CENPP: variants seen among roughly 807,000 people sequenced by gnomAD.
CENPP encodes the protein centromere protein P.
Under a neutral mutation model 35.6 loss-of-function variants are expected in CENPP, and 24 were observed. The ratio of observed to expected loss-of-function variants is 0.67; its 90% CI spans 0.49 to 0.95. The LOEUF is 0.95. CENPP is among the 40% of genes least tolerant of loss of function. The probability of loss-of-function intolerance (pLI) is 0.00; values close to 1 mark genes in which losing one functional copy is unlikely to be tolerated. For missense variants in CENPP, 332 were observed against 345.3 expected (o/e 0.96, Z 0.31); for synonymous variants, 120 against 125.5 (o/e 0.96, Z 0.29).
At chr9:92,512,392 A>G (rs1479416238) in intron 5 of CENPP, among the ~76,000 whole-genome samples, 1 of 152,256 alleles carries the variant, frequency 6.6e-6, no homozygotes, top group Admixed American at 6.5e-5. Flanking sequence ...AAGGTGCTTA[A>G]CACAGCCAGA....
chr9:92,614,604 CACAA>C lies in CENPP; in HGVS notation c.*1457_*1460del, dbSNP rs938213919. On this transcript the variant is annotated 3_prime_UTR_variant, in exon 8 of 8. Coordinates refer to ENST00000375587, the MANE Select transcript of CENPP (RefSeq NM_001012267.3). ...ATTCTCAAGTTATCACAAAATTTCC[CACAA>C]AAATTTACAATCAGCAAAATAGTTT... The C allele has an allele frequency of 1.3e-5, 2 of 152,586 alleles. No homozygotes were observed. Among genetic ancestry groups the C allele is most frequent in the African/African-American group, 4.8e-5 (2 of 41,422 alleles). 9.5% of individuals were successfully genotyped at this position (152,586 alleles called of 1,614,324 possible). A position where few individuals can be genotyped will look rare whatever the true frequency, so the allele number is the denominator to read the frequency against.
chr9:92,389,767 A>T (rs931086351), intron 5 of CENPP: 7 of 834,382 alleles, frequency 8.4e-6, no homozygotes, highest in Non-Finnish European at 1.3e-5. Context: ...TTTAAGTGTA[A>T]TCAAAATACA....
intron 5 of CENPP, among the ~76,000 whole-genome samples, chr9:92,484,862 A>T (rs1464806663): frequency 1.3e-5 from 2 of 152,170 alleles, no homozygotes; most frequent in Non-Finnish European, 2.9e-5. Flanking sequence ...TGTTACAGCT[A>T]CTTTTCCTTC....
intron 5 of CENPP, among the ~76,000 whole-genome samples, chr9:92,438,230 T>C (rs1398139821): frequency 4.6e-5 from 7 of 152,278 alleles, no homozygotes; most frequent in Admixed American, 6.5e-5. Flanking sequence ...TTATCTCTTA[T>C]ATTTAGGTCT....
intron 5 of CENPP, among the ~76,000 whole-genome samples, chr9:92,436,150 A>G (rs553410654): frequency 5.9e-5 from 9 of 152,336 alleles, no homozygotes; most frequent in African/African-American, 1.7e-4. Flanking sequence ...TGCATTTCCC[A>G]AATAGCTAAT....
At chr9:92,542,174 A>C (rs1245283339) in intron 5 of CENPP, among the ~76,000 whole-genome samples, 1 of 152,196 alleles carries the variant, frequency 6.6e-6, no homozygotes, top group Non-Finnish European at 1.5e-5. Context: ...GAACCTCCAT[A>C]CAGTATTCTA....
In CENPP at chr9:92,545,338, C is replaced by T. The variant is rs987073957; in HGVS notation, c.565-65976C>T. On this transcript the variant is annotated intron_variant, in intron 5 of 7. Transcript: ENST00000375587. The stretch of plus-strand genomic sequence containing the variant: ...CAGGCCAGCTAGAGTTCTGGGTGGG[C>T]GTGGGCTTGGCGGGCCCCGTACTGG... 4.6e-5 allele frequency among the ~76,000 whole-genome samples: 7 copies of T among 152,130 alleles called. No homozygotes were observed. In the South Asian group the frequency reaches 1.2e-3, roughly 27 times the overall value.
intron 5 of CENPP, among the ~76,000 whole-genome samples, chr9:92,391,615 C>A (rs370999918): frequency 3.9e-4 from 59 of 151,806 alleles, no homozygotes; most frequent in African/African-American, 1.4e-3. Context: ...AAAAACCCCC[C>A]AAAAAACAAA....
chr9:92,442,773 C>T (rs1167317098), intron 5 of CENPP, among the ~76,000 whole-genome samples: 4 of 150,848 alleles, frequency 2.7e-5, no homozygotes, highest in Admixed American at 6.6e-5. Context: ...GGCGTGAACC[C>T]GGGAGGCGGA....
chr9:92,405,528 TTTAA>T, intron 5 of CENPP, among the ~76,000 whole-genome samples: 1 of 152,322 alleles, frequency 6.6e-6, no homozygotes, highest in South Asian at 2.1e-4. Context: ...TTATCTTAAA[TTTAA>T]TTGTGATATT....
intron 5 of CENPP, among the ~76,000 whole-genome samples, chr9:92,446,395 T>C (rs1475808481): frequency 1.3e-5 from 2 of 152,184 alleles, no homozygotes; most frequent in Admixed American, 6.5e-5. Flanking sequence ...TAATAGAAAC[T>C]ATAATGAATG....
chr9:92,554,119 C>T (rs1588270901), intron 5 of CENPP, among the ~76,000 whole-genome samples: 2 of 151,824 alleles, frequency 1.3e-5, no homozygotes, highest in East Asian at 3.9e-4. Context: ...AATCGTAAAG[C>T]GATGCTGGAT....
chr9:92,545,534 C>T (rs1187585819), intron 5 of CENPP, among the ~76,000 whole-genome samples: 3 of 80,674 alleles, frequency 3.7e-5, no homozygotes, highest in Non-Finnish European at 6.4e-5. Flanking sequence ...GCCTCCCGCC[C>T]CGCCGGGCCC....
At chr9:92,520,857 C>T (rs998647822) in intron 5 of CENPP, among the ~76,000 whole-genome samples, 1 of 152,166 alleles carries the variant, frequency 6.6e-6, no homozygotes, top group Non-Finnish European at 1.5e-5. Context: ...AAGTCAAATA[C>T]ACAAGGCCAC....
intron 4 of CENPP, among the ~76,000 whole-genome samples, chr9:92,355,436 A>G (rs1301758138): frequency 6.6e-6 from 1 of 152,096 alleles, no homozygotes; most frequent in Non-Finnish European, 1.5e-5. Flanking sequence ...AAACAAACAC[A>G]TTAAATGCCA....
intron 5 of CENPP, among the ~76,000 whole-genome samples, chr9:92,591,292 G>A (rs944464688): frequency 3.3e-5 from 5 of 151,982 alleles, no homozygotes; most frequent in South Asian, 4.2e-4. Context: ...GATGGCGGCC[G>A]CCTGTAGTCC....
chr9:92,496,432 AT>A (rs1564353479), intron 5 of CENPP: 6 of 1,609,280 alleles, frequency 3.7e-6, no homozygotes, highest in Non-Finnish European at 5.1e-6. Context: ...GATGTTCCAG[AT>A]TTGAGTCATC....
intron 5 of CENPP, among the ~76,000 whole-genome samples, chr9:92,588,225 TGTGA>T (rs1057092841): frequency 3.3e-5 from 5 of 151,898 alleles, no homozygotes; most frequent in Non-Finnish European, 7.4e-5. Context: ...AAAGAACAGC[TGTGA>T]GTTTTTTGTT....
intron 5 of CENPP, chr9:92,386,226 T>C (rs1485907848): frequency 1.9e-6 from 3 of 1,612,258 alleles, no homozygotes; most frequent in East Asian, 4.5e-5. Flanking sequence ...ACGTAGACTT[T>C]CTGGTAAATT....
Sources: gnomAD v4.1 joint callset for allele counts (sites outside exome capture counted in the v4.1 genomes callset) on GRCh38, gnomAD v4.1.1 for gene constraint, MANE v1.5 for transcripts, NCBI Gene and HGNC (gene_info 2026-07-23, HGNC 2026-07-21) for gene names.